Variants in NBEAL1 observed in about 807,000 individuals in gnomAD.
The protein encoded by NBEAL1 is neurobeachin like 1.
NBEAL1 carries 273 observed loss-of-function variants against 351.3 expected under a neutral mutation model. The ratio of observed to expected loss-of-function variants is 0.78; its 90% CI spans 0.70 to 0.86. The LOEUF is 0.86. Ranked by LOEUF, NBEAL1 falls within the 40% of genes least tolerant of loss-of-function variation. The probability of loss-of-function intolerance (pLI) is 0.00; values close to 1 mark genes in which losing one functional copy is unlikely to be tolerated. For missense variants in NBEAL1, 2,961 were observed against 3,201.3 expected, an observed-to-expected ratio of 0.92 and a Z score of 1.81; for synonymous variants, 1,050 against 1,086.4, an observed-to-expected ratio of 0.97 and a Z score of 0.66.
chr2:203,051,770 G>C (rs1553601837), intron 4 of NBEAL1, among the ~76,000 whole-genome samples: 2 of 152,124 alleles, frequency 1.3e-5, no homozygotes, highest in Non-Finnish European at 2.9e-5. Flanking sequence ...TTTTTGGGTA[G>C]TAGATAGTTT....
chr2:203,046,984 G>A (rs1416238299), intron 3 of NBEAL1, among the ~76,000 whole-genome samples: 2 of 152,120 alleles, frequency 1.3e-5, no homozygotes, highest in Non-Finnish European at 2.9e-5. Flanking sequence ...AGACCTGCCT[G>A]ACCAACATGG....
In NBEAL1 at chr2:203,149,083, C is replaced by G. The variant is rs553382265; in HGVS notation, c.5397C>G (p.Ala1799=). 6.2e-7 allele frequency: 1 copy of G among 1,612,958 alleles called. No individual in the cohort carries two copies. Among genetic ancestry groups the G allele is most frequent in the African/African-American group, 1.3e-5 (1 of 74,978 alleles). Residue 1799 remains alanine (A), a synonymous_variant, in exon 34 of 56, where the codon GCC becomes GCG. Coordinates refer to ENST00000683969, the MANE Select transcript of NBEAL1 (RefSeq NM_001378026.1). ...MLKQLSSQQL[A]TLRRWKAIQL... is the part of the protein sequence containing the mutation. ...AACAACTTAGCAGTCAACAGTTAGC[C>G]ACTCTTAGACGCTGGAAAGCAATAC...
At chr2:203,193,052 A>G (rs538752527) in intron 46 of NBEAL1, among the ~76,000 whole-genome samples, 2 of 142,870 alleles carry the variant, frequency 1.4e-5, no homozygotes, top group East Asian at 2.2e-4. Flanking sequence ...GCTCACTGCA[A>G]CTTCCATCTT....
intron 17 of NBEAL1, among the ~76,000 whole-genome samples, chr2:203,113,882 C>T (rs1190972028): frequency 1.4e-5 from 2 of 146,664 alleles, no homozygotes; most frequent in East Asian, 2.0e-4. Flanking sequence ...AGTGCAATGG[C>T]GCGATCCCGG....
chr2:203,184,565 C>G (rs1396493011), intron 44 of NBEAL1, among the ~76,000 whole-genome samples: 3 of 151,934 alleles, frequency 2.0e-5, no homozygotes, highest in South Asian at 2.1e-4. Context: ...TCCACTTTTC[C>G]CCACAGTAGC....
At chr2:203,177,998 G>A (rs955281511) in intron 42 of NBEAL1, among the ~76,000 whole-genome samples, 2 of 148,012 alleles carry the variant, frequency 1.4e-5, no homozygotes, top group African/African-American at 2.5e-5. Flanking sequence ...CAGCCTGGGC[G>A]ACAGAGCAAT....
chr2:203,129,189 G>A (rs1292109797), intron 24 of NBEAL1, among the ~76,000 whole-genome samples: 2 of 151,986 alleles, frequency 1.3e-5, no homozygotes, highest in Non-Finnish European at 2.9e-5. Flanking sequence ...TTGCATGTAC[G>A]CTTTTGGAAA....
chr2:203,113,230 T>C lies in NBEAL1; in HGVS notation c.2418T>C (p.Cys806=), dbSNP rs1331496137. 3 of 1,537,554 alleles carry C rather than the reference T, an allele frequency of 2.0e-6. No homozygotes were observed. In the East Asian group the frequency reaches 7.3e-5, roughly 37 times the overall value. Residue 806 remains cysteine (C), a synonymous_variant, in exon 17 of 56, where the codon TGT becomes TGC. Transcript: ENST00000683969. Reference sequence around the variant, plus strand: ...GAACCCAAGACAGTGAATGGGGGTGTCCCACATCTCTGGAGGGTCAGCTAG... The same window carrying C: ...GAACCCAAGACAGTGAATGGGGGTGCCCCACATCTCTGGAGGGTCAGCTAG... The part of the protein sequence containing the change: ...SAGTQDSEWG[C]PTSLEGQLGS...
intron 27 of NBEAL1, among the ~76,000 whole-genome samples, chr2:203,134,082 C>G (rs1205754518): frequency 6.6e-6 from 1 of 152,036 alleles, no homozygotes; most frequent in Non-Finnish European, 1.5e-5. Flanking sequence ...TAACGTTTTA[C>G]ATTTTGATGG....
intron 50 of NBEAL1, among the ~76,000 whole-genome samples, chr2:203,202,427 T>A (rs1419647944): frequency 2.0e-5 from 3 of 152,152 alleles, no homozygotes; most frequent in African/African-American, 7.2e-5. Flanking sequence ...CCTCCCAAGA[T>A]TGTGGTAGTC....
chr2:203,156,901 G>A (rs900046216), intron 35 of NBEAL1, among the ~76,000 whole-genome samples: 1 of 151,914 alleles, frequency 6.6e-6, no homozygotes, highest in African/African-American at 2.4e-5. Context: ...TTGTATTGCT[G>A]TTCTTATTTC....
At chr2:203,074,461 G>A (rs1330282620) in intron 7 of NBEAL1, among the ~76,000 whole-genome samples, 3 of 151,492 alleles carry the variant, frequency 2.0e-5, no homozygotes, top group Non-Finnish European at 4.4e-5. Flanking sequence ...TCGAGTAGCT[G>A]GGATTACAGG....
chr2:203,016,052 GTTGT>G (rs1200228705), intron 1 of NBEAL1, 100 bp from the exon 2 acceptor site: 2 of 189,068 alleles, frequency 1.1e-5, no homozygotes, highest in Non-Finnish European at 2.2e-5. Context: ...AGTATAGCGG[GTTGT>G]TTGTGGGAAG....
chr2:203,175,049 T>C, intron 41 of NBEAL1, 98 bp from the exon 42 acceptor site: 1 of 1,083,516 alleles, frequency 9.2e-7, no homozygotes, highest in South Asian at 1.6e-5. Context: ...AAGGATGGAC[T>C]TTTTAAAAAC....
chr2:203,172,493 C>T (rs1482359437), intron 40 of NBEAL1, among the ~76,000 whole-genome samples: 1 of 151,998 alleles, frequency 6.6e-6, no homozygotes, highest in Admixed American at 6.6e-5. Context: ...TGCACTCCAG[C>T]CTGGGTGACA....
intron 10 of NBEAL1, chr2:203,084,988 A>G (rs1363711089): frequency 6.4e-6 from 1 of 156,774 alleles, no homozygotes; most frequent in East Asian, 1.9e-4. Flanking sequence ...TACCCTGTAA[A>G]TACAGGCCAC....
chr2:203,138,395 T>C (rs562092996), intron 30 of NBEAL1, 80 bp downstream of exon 30: 16 of 1,320,298 alleles, frequency 1.2e-5, no homozygotes, highest in Middle Eastern at 4.0e-4. Flanking sequence ...CCCCTCTTTT[T>C]AGAGCGTTAA....
chr2:203,049,706 TA>T, intron 3 of NBEAL1, 107 bp from the exon 4 acceptor site: 1 of 943,482 alleles, frequency 1.1e-6, no homozygotes, highest in Non-Finnish European at 1.5e-6. Flanking sequence ...CTGGAATAAA[TA>T]AAAGAGCTTC....
chr2:203,205,154 A>C (rs2065518085), intron 51 of NBEAL1, among the ~76,000 whole-genome samples: 2 of 152,128 alleles, frequency 1.3e-5, no homozygotes, highest in South Asian at 4.1e-4. Flanking sequence ...TTCACATTTA[A>C]GTATTTAGCT....
Sources: gnomAD v4.1 joint callset for allele counts (sites outside exome capture counted in the v4.1 genomes callset) on GRCh38, gnomAD v4.1.1 for gene constraint, MANE v1.5 for transcripts, NCBI Gene and HGNC (gene_info 2026-07-23, HGNC 2026-07-21) for gene names.